Variants in SLC35F4 observed in about 807,000 individuals in gnomAD.
The protein encoded by SLC35F4 is chromosome 14 open reading frame 36.
In SLC35F4, 24 loss-of-function variants were observed where a neutral mutation model predicts 44.2. The observed-to-expected ratio is 0.54, with a 90% CI of 0.39 to 0.76. The LOEUF (loss-of-function observed/expected upper bound fraction) is 0.76, where lower values mean the gene tolerates loss of function less well. Among genes scored for constraint, SLC35F4 ranks in the 30% least tolerant of loss-of-function variants. The pLI is 0.00. For synonymous variants in SLC35F4, 238 were observed against 223.6 expected (o/e 1.06, Z -0.57); for missense variants, 562 against 586.1 (o/e 0.96, Z 0.42).
chr14:57,859,791 T>C (rs1382659528), intron 1 of SLC35F4, among the ~76,000 whole-genome samples: 7 of 152,134 alleles, frequency 4.6e-5, no homozygotes, highest in Non-Finnish European at 8.8e-5. Context: ...TAACTGATTA[T>C]AGGGCAAGGG....
At chr14:57,643,251 T>A (rs1319692508) in intron 1 of SLC35F4, among the ~76,000 whole-genome samples, 1 of 152,044 alleles carries the variant, frequency 6.6e-6, no homozygotes, top group African/African-American at 2.4e-5. Flanking sequence ...GATATGACAT[T>A]TTCATAGAAA....
At chr14:57,808,985 AT>A in intron 1 of SLC35F4, among the ~76,000 whole-genome samples, 1 of 152,292 alleles carries the variant, frequency 6.6e-6, no homozygotes, top group Middle Eastern at 3.4e-3. Context: ...ATAGCCCTGA[AT>A]CACTCTGAGT....
At position 57,937,965 on chromosome 14, in the gene SLC35F4, G is replaced by A. The variant is rs150411996; in HGVS notation, n.282+43948C>T. On this transcript the variant is annotated intron_variant and non_coding_transcript_variant, in intron 1 of 1. Transcript: ENST00000556568. ...TCTGATCCTTTTCTCATGAGAATTC[G>A]CGCCTCTAATACTCTCCCCTCTGTC... 2.8e-3 allele frequency among the ~76,000 whole-genome samples: 422 copies of A among 152,078 alleles called. 5 individuals carry two copies. The South Asian group carries it at 0.036, about 13-fold the overall frequency.
intron 1 of SLC35F4, among the ~76,000 whole-genome samples, chr14:57,786,473 G>A (rs1020054613): frequency 2.6e-5 from 4 of 152,116 alleles, no homozygotes; most frequent in African/African-American, 9.7e-5. Context: ...CACAAAAACC[G>A]AGCATTAAAC....
intron 1 of SLC35F4, among the ~76,000 whole-genome samples, chr14:57,717,708 C>T (rs918199973): frequency 1.3e-5 from 2 of 152,022 alleles, no homozygotes; most frequent in Non-Finnish European, 2.9e-5. Context: ...ACTTTAATTT[C>T]TTTTACTTTT....
chr14:57,746,402 T>C (rs1444046187), intron 1 of SLC35F4, among the ~76,000 whole-genome samples: 1 of 152,180 alleles, frequency 6.6e-6, no homozygotes, highest in East Asian at 1.9e-4. Context: ...TTTCTGTATT[T>C]TTTGTAATGA....
chr14:57,615,197 G>A (rs1473619397), intron 1 of SLC35F4, among the ~76,000 whole-genome samples: 7 of 152,072 alleles, frequency 4.6e-5, no homozygotes, highest in African/African-American at 9.7e-5. Flanking sequence ...CCTAAGCATC[G>A]CCATGACAAT....
chr14:57,704,271 C>T (rs569089068), intron 1 of SLC35F4, among the ~76,000 whole-genome samples: 3 of 152,200 alleles, frequency 2.0e-5, no homozygotes, highest in African/African-American at 4.8e-5. Flanking sequence ...TCTGGTCGGA[C>T]GGAAACCTCT....
intron 1 of SLC35F4, among the ~76,000 whole-genome samples, chr14:57,931,595 A>C (rs778182250): frequency 6.9e-6 from 1 of 145,232 alleles, no homozygotes; most frequent in African/African-American, 2.9e-5. Flanking sequence ...TAGCTGGGAG[A>C]AAAAAACAAC....
chr14:57,677,706 C>A (rs1162869953), intron 1 of SLC35F4, among the ~76,000 whole-genome samples: 1 of 151,854 alleles, frequency 6.6e-6, no homozygotes, highest in Non-Finnish European at 1.5e-5. Flanking sequence ...CTCCCCTTCA[C>A]ACATACATAT....
intron 1 of SLC35F4, among the ~76,000 whole-genome samples, chr14:57,667,759 A>G (rs1334453548): frequency 6.6e-6 from 1 of 151,530 alleles, no homozygotes; most frequent in African/African-American, 2.4e-5. Context: ...GTTGGTTCCG[A>G]GTCTTTGCTA....
intron 1 of SLC35F4, among the ~76,000 whole-genome samples, chr14:57,726,392 T>C (rs888143814): frequency 2.0e-5 from 3 of 152,216 alleles, no homozygotes; most frequent in Admixed American, 2.0e-4. Context: ...ATACCAGCTA[T>C]GACCACATGA....
At chr14:57,753,038 G>A (rs1250874238) in intron 1 of SLC35F4, among the ~76,000 whole-genome samples, 2 of 152,144 alleles carry the variant, frequency 1.3e-5, no homozygotes, top group Non-Finnish European at 2.9e-5. Flanking sequence ...GGATGCTCAG[G>A]GGATTGGCTT....
At chr14:57,631,315 T>C (rs2072759103) in intron 1 of SLC35F4, among the ~76,000 whole-genome samples, 1 of 152,054 alleles carries the variant, frequency 6.6e-6, no homozygotes, top group South Asian at 2.1e-4. Context: ...CTGGTTCCTA[T>C]GAAGATTTGG....
At chr14:57,875,254 G>T (rs1888374776) in intron 1 of SLC35F4, among the ~76,000 whole-genome samples, 1 of 152,140 alleles carries the variant, frequency 6.6e-6, no homozygotes, top group African/African-American at 2.4e-5. Context: ...GCATGCAAAG[G>T]TGATAAGCAC....
intron 1 of SLC35F4, among the ~76,000 whole-genome samples, chr14:57,801,054 A>T (rs1026008679): frequency 6.6e-6 from 1 of 152,196 alleles, no homozygotes; most frequent in East Asian, 1.9e-4. Context: ...ATCAACCCCA[A>T]GACACATAAT....
At chr14:57,742,929 C>G (rs539206644) in intron 1 of SLC35F4, among the ~76,000 whole-genome samples, 1 of 152,150 alleles carries the variant, frequency 6.6e-6, no homozygotes, top group Non-Finnish European at 1.5e-5. Flanking sequence ...CACTCAAAAC[C>G]GTTCAACTAT....
intron 1 of SLC35F4, among the ~76,000 whole-genome samples, chr14:57,826,891 C>G (rs1014289795): frequency 6.6e-5 from 10 of 152,140 alleles, no homozygotes; most frequent in Non-Finnish European, 1.5e-4. Flanking sequence ...GAAATAAGAA[C>G]TCTTTTACAC....
rs539988812 is a variant in SLC35F4, at chr14:57,600,648, C to T, written c.104-6524G>A. ...CGGAGCTTGCAGTGAGCCGAGATCC[C>T]GCCACTGCACTCCAGCCTGGGCGAC... is the stretch of plus-strand genomic sequence containing the variant. On this transcript the variant is annotated intron_variant, in intron 1 of 7. Transcript: ENST00000556826. Among the ~76,000 whole-genome samples the T allele has an allele frequency of 6.5e-3, 842 of 130,166 alleles. 6 individuals are homozygous for T. The highest frequency in any genetic ancestry group is 0.023 in the African/African-American group (784 of 33,832). The allele number at this position is 130,166 out of a possible 152,430, so 85.4% of individuals were successfully genotyped here.
Sources: allele counts gnomAD v4.1 joint callset (sites outside exome capture counted in the v4.1 genomes callset), GRCh38; gene constraint gnomAD v4.1.1; transcripts MANE v1.5; gene names NCBI Gene and HGNC (gene_info 2026-07-23, HGNC 2026-07-21).